The following ATP6V1A variants were observed in gnomAD, a reference collection of about 807,000 sequenced individuals.
ATP6V1A encodes ATPase H+ transporting V1 subunit A.
ATP6V1A carries 18 observed loss-of-function variants against 70.1 expected under a neutral mutation model. That is an observed-to-expected ratio of 0.26 (90% CI 0.18 to 0.38). The LOEUF is 0.38. ATP6V1A is among the 10% of genes least tolerant of loss of function. The pLI is 1.00. For missense variants in ATP6V1A, 424 were observed against 772.4 expected (o/e 0.55, Z 5.35); for synonymous variants, 232 against 253.8 (o/e 0.91, Z 0.82).
At chr3:113,762,392 A>T (rs568344324) in intron 1 of ATP6V1A, among the ~76,000 whole-genome samples, 2 of 152,244 alleles carry the variant, frequency 1.3e-5, no homozygotes, top group South Asian at 4.1e-4. Context: ...AACTTGGAGA[A>T]ACCCTGTCTC....
At chr3:113,793,678 T>C (rs573752393) in intron 8 of ATP6V1A, among the ~76,000 whole-genome samples, 13 of 152,204 alleles carry the variant, frequency 8.5e-5, no homozygotes, top group African/African-American at 3.1e-4. Context: ...TGATAAGTAA[T>C]GTTTCCTAAA....
At chr3:113,808,657 A>G (rs1709306453) in intron 14 of ATP6V1A, among the ~76,000 whole-genome samples, 2 of 152,154 alleles carry the variant, frequency 1.3e-5, no homozygotes, top group South Asian at 4.1e-4. Flanking sequence ...CCAGTGTGAT[A>G]ATACCAGATG....
chr3:113,784,994 G>C (rs1222914483), intron 5 of ATP6V1A, among the ~76,000 whole-genome samples, 161 bp downstream of exon 5: 1 of 152,102 alleles, frequency 6.6e-6, no homozygotes, highest in Non-Finnish European at 1.5e-5. Flanking sequence ...TTTTAACTTG[G>C]ATTTAGGGAT....
At chr3:113,764,154 G>A (rs541309667) in intron 1 of ATP6V1A, among the ~76,000 whole-genome samples, 44 of 152,044 alleles carry the variant, frequency 2.9e-4, no homozygotes, top group Middle Eastern at 3.4e-3. Flanking sequence ...GATTGCTTTA[G>A]CCCAAGAGAT....
intron 1 of ATP6V1A, among the ~76,000 whole-genome samples, chr3:113,755,309 A>G (rs1708635289): frequency 1.3e-5 from 2 of 151,810 alleles, no homozygotes; most frequent in South Asian, 2.1e-4. Flanking sequence ...TAAGGACCGT[A>G]TATATATTTG....
chr3:113,760,567 A>G (rs576940005), intron 1 of ATP6V1A, among the ~76,000 whole-genome samples: 1 of 130,148 alleles, frequency 7.7e-6, no homozygotes, highest in Admixed American at 7.3e-5. Flanking sequence ...TCTCTACTAA[A>G]AATACAAAAA....
At chr3:113,777,881 G>C (rs543809013) in intron 1 of ATP6V1A, among the ~76,000 whole-genome samples, 3 of 152,330 alleles carry the variant, frequency 2.0e-5, no homozygotes, top group African/African-American at 7.2e-5. Context: ...AAAGAGTTCA[G>C]TGTGTATCTG....
chr3:113,793,355 G>A (rs985939691), intron 8 of ATP6V1A, among the ~76,000 whole-genome samples: 3 of 152,130 alleles, frequency 2.0e-5, no homozygotes, highest in African/African-American at 7.2e-5. Flanking sequence ...GAGCCACCGC[G>A]CCTGGCCAGA....
chr3:113,771,928 C>T (rs1708846343), intron 1 of ATP6V1A, among the ~76,000 whole-genome samples: 1 of 152,120 alleles, frequency 6.6e-6, no homozygotes, highest in South Asian at 2.1e-4. Flanking sequence ...CTATAGCATC[C>T]TGTTTCTGGT....
chr3:113,771,431 T>C (rs964425445), intron 1 of ATP6V1A, among the ~76,000 whole-genome samples: 8 of 18,604 alleles, frequency 4.3e-4, no homozygotes, highest in Admixed American at 1.3e-3. Context: ...ATTTTTCTCT[T>C]TTTTTTTTTT....
intron 12 of ATP6V1A, among the ~76,000 whole-genome samples, chr3:113,798,782 A>G (rs1380072795): frequency 2.0e-5 from 3 of 152,202 alleles, no homozygotes; most frequent in Non-Finnish European, 4.4e-5. Context: ...TCCAATAATT[A>G]GCTATTGGCC....
chr3:113,770,552 G>A lies in ATP6V1A; in HGVS notation c.-13-8189G>A, dbSNP rs1708825589. On this transcript the variant is annotated intron_variant, in intron 1 of 14. Coordinates refer to ENST00000273398, the MANE Select transcript of ATP6V1A (RefSeq NM_001690.4). ...AAATTAGCCAGGCATGGTGGCTCGTGCCTATAGTCCCAGCTACTTGGGAGG... is the reference window on the plus strand; with the variant it reads ...AAATTAGCCAGGCATGGTGGCTCGTACCTATAGTCCCAGCTACTTGGGAGG... Among the ~76,000 whole-genome samples, 3 of 151,938 alleles carry A rather than the reference G, an allele frequency of 2.0e-5. 1 individual carries two copies. Among genetic ancestry groups the A allele is most frequent in the Admixed American group, 2.0e-4 (3 of 15,268 alleles).
In ATP6V1A at chr3:113,784,803, C is replaced by T. The variant is rs781289733; in HGVS notation, c.534C>T (p.Tyr178=). The part of the protein sequence containing the change: ...LPPRNRGTVT[Y]IAPPGNYDTS... ...CACGAAACAGAGGAACTGTAACTTACATTGCTCCACCTGGGAATTATGATA... is the reference window on the plus strand; with the variant it reads ...CACGAAACAGAGGAACTGTAACTTATATTGCTCCACCTGGGAATTATGATA... Residue 178 remains tyrosine (Y), a synonymous_variant, in exon 5 of 15, where the codon TAC becomes TAT. Transcript: ENST00000273398. The T allele has an allele frequency of 3.1e-6, 5 of 1,613,978 alleles. No individual in the cohort carries two copies. Among genetic ancestry groups the T allele is most frequent in the South Asian group, 2.2e-5 (2 of 91,088 alleles).
chr3:113,749,474 G>C (rs1395083270), intron 1 of ATP6V1A, among the ~76,000 whole-genome samples: 1 of 152,124 alleles, frequency 6.6e-6, no homozygotes, highest in Admixed American at 6.5e-5. Flanking sequence ...TTCTTTTCCT[G>C]AGTTCTTGTT....
intron 12 of ATP6V1A, 80 bp downstream of exon 12, chr3:113,798,526 A>T: frequency 8.0e-7 from 1 of 1,252,368 alleles, no homozygotes; most frequent in Non-Finnish European, 1.1e-6. Context: ...CTTGGATATT[A>T]CAGATTCTTG....
intron 2 of ATP6V1A, 71 bp downstream of exon 2, chr3:113,778,906 A>T (rs190971499): frequency 6.7e-6 from 7 of 1,042,200 alleles, no homozygotes; most frequent in Non-Finnish European, 8.2e-6. Flanking sequence ...AATATTTTAC[A>T]TAGAAATATA....
At chr3:113,763,123 C>T (rs1019463349) in intron 1 of ATP6V1A, among the ~76,000 whole-genome samples, 1 of 151,992 alleles carries the variant, frequency 6.6e-6, no homozygotes, top group African/African-American at 2.4e-5. Context: ...CAGAGTCTCG[C>T]TCTGTCACCT....
At chr3:113,764,947 C>T (rs1273963927) in intron 1 of ATP6V1A, among the ~76,000 whole-genome samples, 1 of 147,010 alleles carries the variant, frequency 6.8e-6, no homozygotes, top group Non-Finnish European at 1.5e-5. Flanking sequence ...GAGATTGCAT[C>T]ACTGTACTCC....
At chr3:113,754,484 C>T (rs760324691) in intron 1 of ATP6V1A, among the ~76,000 whole-genome samples, 2 of 151,676 alleles carry the variant, frequency 1.3e-5, no homozygotes, top group East Asian at 3.9e-4. Flanking sequence ...CAGTGAACTG[C>T]GAATGTGCCA....
Sources: gnomAD v4.1 joint callset for allele counts (sites outside exome capture counted in the v4.1 genomes callset) on GRCh38, gnomAD v4.1.1 for gene constraint, MANE v1.5 for transcripts, NCBI Gene and HGNC (gene_info 2026-07-23, HGNC 2026-07-21) for gene names.